TBC1D2B: variants seen among roughly 807,000 people sequenced by gnomAD.
TBC1D2B encodes TBC1 domain family member 2B.
A neutral mutation model predicts 100.8 loss-of-function variants in TBC1D2B; 64 were observed. That is an observed-to-expected ratio of 0.64 (90% CI 0.52 to 0.78). The LOEUF (loss-of-function observed/expected upper bound fraction) is 0.78, where lower values mean the gene tolerates loss of function less well. TBC1D2B is among the 30% of genes least tolerant of loss of function. The pLI, the probability that TBC1D2B is intolerant of heterozygous loss-of-function variation, is 0.00. For synonymous variants in TBC1D2B, 480 were observed against 479.7 expected (o/e 1.00, Z -0.01); for missense variants, 1,052 against 1,218.4 (o/e 0.86, Z 2.03).
intron 2 of TBC1D2B, 90 bp downstream of exon 2, chr15:78,053,943 TA>T: frequency 7.4e-7 from 1 of 1,356,258 alleles, no homozygotes; most frequent in Non-Finnish European, 1.0e-6. Flanking sequence ...ATTTTCTTTC[TA>T]AATTCATTTT....
intron 8 of TBC1D2B, among the ~76,000 whole-genome samples, chr15:78,014,386 A>G (rs1446498904): frequency 6.6e-6 from 1 of 152,230 alleles, no homozygotes; most frequent in Non-Finnish European, 1.5e-5. Context: ...AGATCTAGCA[A>G]GCAGAGTTAA....
Position 78,003,485 on chromosome 15 carries a change from G to A in TBC1D2B, c.2394C>T (p.Asp798=), listed in dbSNP as rs773809880. 1 of 1,607,190 alleles carries A rather than the reference G, an allele frequency of 6.2e-7. No homozygotes were observed. The highest frequency in any genetic ancestry group is 8.5e-7 in the Non-Finnish European group (1 of 1,174,132). ...TCATAAGGTCTCTGAACACCCGCTGGTCCACCTGGAGAGGGAACAAAGGGG... is the reference window on the plus strand; with the variant it reads ...TCATAAGGTCTCTGAACACCCGCTGATCCACCTGGAGAGGGAACAAAGGGG... ...YTKTLLGSQV[D]QRVFRDLMSE... Residue 798 remains aspartate, a synonymous_variant, in exon 11 of 13, where the codon GAC becomes GAT. Transcript: ENST00000300584.
At position 78,077,433 on chromosome 15, in the gene TBC1D2B, G is replaced by A; in HGVS notation, c.220C>T (p.Gln74Ter). 6.5e-7 allele frequency: 1 copy of A among 1,545,164 alleles called. No homozygotes were observed. The highest frequency in any genetic ancestry group is 1.2e-5 in the South Asian group (1 of 83,530). ...AAGTGGCCGAGGGGCAGCGCGTCCT[G>A]CGGACTCTTGAAATAGTAAAGGTAG... ...RCYLYYFKSP[Q>*]DALPLGHLDI... The change falls in exon 1 of 13, where the codon CAG becomes TAG. Residue 74 changes from glutamine to a stop codon, truncating the protein, a stop_gained. Coordinates refer to ENST00000300584, the MANE Select transcript of TBC1D2B (RefSeq NM_144572.2). LOFTEE classifies it high-confidence loss of function.
intron 3 of TBC1D2B, among the ~76,000 whole-genome samples, chr15:78,035,407 C>T (rs1030485431): frequency 6.6e-6 from 1 of 152,208 alleles, no homozygotes; most frequent in Non-Finnish European, 1.5e-5. Context: ...TTAACCCCTC[C>T]ACAAACCGCC....
intron 1 of TBC1D2B, among the ~76,000 whole-genome samples, chr15:78,066,912 A>T (rs1219500166): frequency 6.6e-6 from 1 of 152,052 alleles, no homozygotes; most frequent in African/African-American, 2.4e-5. Flanking sequence ...TATCAAGTCA[A>T]CCCCCACTGG....
In TBC1D2B at chr15:77,996,738, C is replaced by T. The variant is rs1325407569; in HGVS notation, c.*1422G>A. 3 of 152,260 alleles carry T rather than the reference C, an allele frequency of 2.0e-5. No individual in the cohort carries two copies. The highest frequency in any genetic ancestry group is 4.4e-5 in the Non-Finnish European group (3 of 68,046). 9.4% of individuals were successfully genotyped at this position (152,260 alleles called of 1,614,324 possible). On this transcript the variant is annotated 3_prime_UTR_variant, in exon 13 of 13. Transcript: ENST00000300584. The stretch of plus-strand genomic sequence containing the variant: ...ATAGGAAAAATACTTCTTAAAACTG[C>T]ATTGCTTCAATTCTTAGTCTCAGTG...
In TBC1D2B at chr15:78,020,376, G is replaced by C. The variant is rs141668120; in HGVS notation, c.1471-2419C>G. Among the ~76,000 whole-genome samples the C allele has an allele frequency of 2.0e-5, 3 of 152,294 alleles. No homozygotes were observed. The East Asian group carries it at 5.8e-4, about 29-fold the overall frequency. On this transcript the variant is annotated intron_variant, in intron 6 of 12. Coordinates refer to ENST00000300584, the MANE Select transcript of TBC1D2B (RefSeq NM_144572.2). ...TCTTTAACTTAAAACTTGTGTTACA[G>C]TCTAAGTAAGTCCTGATCATTTATA...
intron 1 of TBC1D2B, among the ~76,000 whole-genome samples, chr15:78,070,276 A>C (rs2073723496): frequency 7.0e-6 from 1 of 143,830 alleles, no homozygotes; most frequent in African/African-American, 2.6e-5. Flanking sequence ...AGTCAACACC[A>C]ACTCATCCTT....
intron 1 of TBC1D2B, among the ~76,000 whole-genome samples, chr15:78,064,269 C>T (rs1417407108): frequency 6.6e-6 from 1 of 152,196 alleles, no homozygotes. Context: ...ATGTGACGCA[C>T]ACCATCTCAA....
At chr15:78,034,444 C>T (rs2072895365) in intron 3 of TBC1D2B, 1 of 967,712 alleles carries the variant, frequency 1.0e-6, no homozygotes, top group African/African-American at 1.8e-5. Flanking sequence ...ACTACCACCA[C>T]CGTCAATTTT....
chr15:78,065,109 C>A (rs1159481222), intron 1 of TBC1D2B, among the ~76,000 whole-genome samples: 1 of 152,208 alleles, frequency 6.6e-6, no homozygotes, highest in Non-Finnish European at 1.5e-5. Context: ...CATTCATCAT[C>A]CATTCTGGTA....
intron 1 of TBC1D2B, among the ~76,000 whole-genome samples, chr15:78,075,261 C>T (rs1405401972): frequency 1.3e-5 from 2 of 151,764 alleles, no homozygotes; most frequent in Admixed American, 1.3e-4. Flanking sequence ...TGCAGTGGCG[C>T]GATCTCTGCT....
chr15:78,042,059 G>C (rs2073102950), intron 3 of TBC1D2B, among the ~76,000 whole-genome samples: 1 of 152,196 alleles, frequency 6.6e-6, no homozygotes, highest in Non-Finnish European at 1.5e-5. Context: ...CTTAATCACT[G>C]TGTTACACGG....
chr15:78,045,056 G>T lies in TBC1D2B; in HGVS notation c.527C>A (p.Pro176Gln). 6.3e-7 allele frequency: 1 copy of T among 1,598,156 alleles called. No homozygotes were observed. The highest frequency in any genetic ancestry group is 1.8e-5 in the Admixed American group (1 of 57,118). ...TTTTTCTGCAGAAGCATTTGGGTGT[G>T]GGTAAATTAAATCTGAAAAAAAAGG... Reference protein sequence around the residue: ...VARDNTDLIYPHPNASAEKAR... With the variant: ...VARDNTDLIYQHPNASAEKAR... The change falls in exon 3 of 13, where the codon CCA becomes CAA. Residue 176 changes from proline (P) to glutamine (Q), a missense_variant. Pro to Gln is a moderately conservative substitution (Grantham distance 76, BLOSUM62 -1). Coordinates refer to ENST00000300584, the MANE Select transcript of TBC1D2B (RefSeq NM_144572.2).
chr15:78,038,934 A>G (rs373514045), intron 3 of TBC1D2B, among the ~76,000 whole-genome samples: 4 of 152,326 alleles, frequency 2.6e-5, no homozygotes, highest in African/African-American at 9.6e-5. Context: ...CTACTGGGAC[A>G]TAATTGCTAA....
chr15:78,057,656 A>G (rs1386390320), intron 1 of TBC1D2B, among the ~76,000 whole-genome samples: 1 of 152,194 alleles, frequency 6.6e-6, no homozygotes, highest in African/African-American at 2.4e-5. Context: ...AGAAAAAAAA[A>G]AATCTAGAGA....
rs1277019710 is a variant in TBC1D2B, at chr15:78,003,444, C to T, written c.2435G>A (p.Arg812Gln). The change falls in exon 11 of 13, where the codon CGG (arginine) becomes CAG (glutamine). Residue 812 changes from arginine to glutamine, a missense_variant. Around this residue, in one of 4 missense-constraint regions of TBC1D2B, gnomAD observed 373 missense variants for 464.9 expected, o/e 0.80. Coordinates refer to ENST00000300584, the MANE Select transcript of TBC1D2B (RefSeq NM_144572.2). ...FRDLMSEKLP[R>Q]LHGHFEQYKV... ...GTACTGTTCAAAGTGGCCATGCAAC[C>T]GAGGCAGCTTCTCACTCATAAGGTC... 3 of 1,613,430 alleles carry T rather than the reference C, an allele frequency of 1.9e-6. No individual in the cohort carries two copies. The highest frequency in any genetic ancestry group is 1.7e-6 in the Non-Finnish European group (2 of 1,179,606).
At chr15:78,049,421 G>T (rs1158758390) in intron 2 of TBC1D2B, among the ~76,000 whole-genome samples, 3 of 152,096 alleles carry the variant, frequency 2.0e-5, no homozygotes, top group East Asian at 3.9e-4. Flanking sequence ...AAGGCCAATT[G>T]GGCAGAAGGC....
chr15:78,066,413 C>T (rs1325579514), intron 1 of TBC1D2B, among the ~76,000 whole-genome samples: 1 of 152,132 alleles, frequency 6.6e-6, no homozygotes, highest in African/African-American at 2.4e-5. Flanking sequence ...CATTCATCAT[C>T]GGGAGGAGAG....
Sources: allele counts gnomAD v4.1 joint callset (sites outside exome capture counted in the v4.1 genomes callset), GRCh38; gene constraint gnomAD v4.1.1; regional missense constraint gnomAD v4.1.1; transcripts MANE v1.5; gene names NCBI Gene and HGNC (gene_info 2026-07-23, HGNC 2026-07-21).